The following PTPN12 variants were observed in gnomAD, a reference collection of about 807,000 sequenced individuals.
The protein encoded by PTPN12 is tyrosine-protein phosphatase non-receptor type 12.
PTPN12 carries 29 observed loss-of-function variants against 97.6 expected under a neutral mutation model. The observed-to-expected ratio is 0.30, with a 90% CI of 0.22 to 0.41. The LOEUF (loss-of-function observed/expected upper bound fraction) is 0.41. Ranked by LOEUF, PTPN12 falls within the 10% of genes least tolerant of loss-of-function variation. The pLI is 1.00. For missense variants in PTPN12, 819 were observed against 926.0 expected, an observed-to-expected ratio of 0.88 and a Z score of 1.50; for synonymous variants, 327 against 300.4, an observed-to-expected ratio of 1.09 and a Z score of -0.91.
intron 16 of PTPN12, 91 bp downstream of exon 16, chr7:77,637,139 G>A: frequency 9.8e-7 from 1 of 1,021,242 alleles, no homozygotes. Context: ...ATGCTATATA[G>A]TTATTTCTGT....
intron 1 of PTPN12, among the ~76,000 whole-genome samples, chr7:77,558,084 G>A (rs556844188): frequency 5.9e-5 from 9 of 151,520 alleles, no homozygotes; most frequent in African/African-American, 1.2e-4. Flanking sequence ...GGTGGTGGGC[G>A]CGTGTAATCC....
intron 1 of PTPN12, among the ~76,000 whole-genome samples, chr7:77,552,984 G>A (rs374125719): frequency 7.2e-5 from 11 of 152,138 alleles, no homozygotes; most frequent in African/African-American, 2.4e-4. Context: ...GGGGAAAAAG[G>A]CCACCCCTTG....
intron 2 of PTPN12, among the ~76,000 whole-genome samples, chr7:77,576,182 C>G (rs567469185): frequency 6.6e-6 from 1 of 152,166 alleles, no homozygotes; most frequent in Admixed American, 6.5e-5. Context: ...AAGATTCATT[C>G]ACGATGTAGC....
chr7:77,581,816 A>T (rs76478242), intron 3 of PTPN12, among the ~76,000 whole-genome samples: 1 of 152,194 alleles, frequency 6.6e-6, no homozygotes, highest in Non-Finnish European at 1.5e-5. Flanking sequence ...AACATCATCA[A>T]TCCCCGTTGT....
At chr7:77,563,436 A>G (rs914986675) in intron 1 of PTPN12, among the ~76,000 whole-genome samples, 4 of 152,206 alleles carry the variant, frequency 2.6e-5, no homozygotes, top group Non-Finnish European at 4.4e-5. Context: ...TATGTTCTAG[A>G]TAAGAGGTGT....
intron 1 of PTPN12, chr7:77,537,985 G>A (rs868174342): frequency 2.3e-5 from 23 of 995,684 alleles, no homozygotes; most frequent in East Asian, 1.9e-4. Context: ...GGCCGGGGGG[G>A]GGGGCTCGCG....
chr7:77,572,813 G>C (rs1019947751), intron 2 of PTPN12, among the ~76,000 whole-genome samples: 2 of 152,018 alleles, frequency 1.3e-5, no homozygotes, highest in Non-Finnish European at 2.9e-5. Context: ...GGCCAGGCGC[G>C]GTGGCTCACG....
intron 12 of PTPN12, among the ~76,000 whole-genome samples, chr7:77,622,632 G>C (rs940993157): frequency 4.0e-5 from 6 of 150,814 alleles, no homozygotes; most frequent in African/African-American, 1.2e-4. Flanking sequence ...TTAGCTGGGC[G>C]TGGTGGTGTG....
At chr7:77,563,879 T>C (rs1360265659) in intron 1 of PTPN12, 5 of 390,036 alleles carry the variant, frequency 1.3e-5, no homozygotes, top group Non-Finnish European at 2.5e-5. Context: ...CCTTTGGTTA[T>C]TTTAGCTGCT....
intron 4 of PTPN12, among the ~76,000 whole-genome samples, chr7:77,584,142 A>G (rs1017412596): frequency 6.6e-6 from 1 of 152,226 alleles, no homozygotes; most frequent in African/African-American, 2.4e-5. Context: ...AAGCAGAGAA[A>G]TTAGAATACT....
At chr7:77,568,093 A>G (rs1327396062) in intron 1 of PTPN12, among the ~76,000 whole-genome samples, 5 of 152,232 alleles carry the variant, frequency 3.3e-5, no homozygotes, top group African/African-American at 9.6e-5. Context: ...GAAAATTGCT[A>G]AGAACACTAT....
In PTPN12 at chr7:77,556,064, T is replaced by C. The variant is rs1020342459; in HGVS notation, c.100-15014T>C. 2.0e-5 allele frequency among the ~76,000 whole-genome samples: 3 copies of C among 151,998 alleles called. No individual in the cohort carries two copies. In the East Asian group the frequency reaches 5.8e-4, roughly 29 times the overall value. ...TAATCATAGGGTGTTTGTTTGTTTGTTTGTTTGTTTGTGTGAAACAGGGTT... is the reference window on the plus strand; with the variant it reads ...TAATCATAGGGTGTTTGTTTGTTTGCTTGTTTGTTTGTGTGAAACAGGGTT... On this transcript the variant is annotated intron_variant, in intron 1 of 17. Transcript: ENST00000248594.
intron 1 of PTPN12, among the ~76,000 whole-genome samples, chr7:77,569,095 C>T (rs1280668841): frequency 6.6e-6 from 1 of 152,172 alleles, no homozygotes; most frequent in Non-Finnish European, 1.5e-5. Flanking sequence ...TATGAAAAGA[C>T]ATAATAGTAA....
intron 6 of PTPN12, among the ~76,000 whole-genome samples, chr7:77,595,038 T>C (rs1787981076): frequency 6.6e-6 from 1 of 152,074 alleles, no homozygotes; most frequent in Non-Finnish European, 1.5e-5. Flanking sequence ...TCTCTATAAA[T>C]GGTTCACAAA....
At chr7:77,573,943 T>G (rs1436423472) in intron 2 of PTPN12, among the ~76,000 whole-genome samples, 1 of 152,190 alleles carries the variant, frequency 6.6e-6, no homozygotes, top group African/African-American at 2.4e-5. Context: ...GTATTGTTAG[T>G]AGAGACGTGG....
At position 77,540,243 on chromosome 7, in the gene PTPN12, C is replaced by CTTTT. The variant is rs1400336120; in HGVS notation, c.99+2605_99+2608dup. On this transcript the variant is annotated intron_variant, in intron 1 of 17. Coordinates refer to ENST00000248594, the MANE Select transcript of PTPN12 (RefSeq NM_002835.4). ...CATTTCTTTCTTTCTTTCTTTCTTT[C>CTTTT]TTTTTTTTTTGAGATGTAACACCTC... is the stretch of plus-strand genomic sequence containing the variant. Among the ~76,000 whole-genome samples, 710 of 140,450 alleles carry CTTTT rather than the reference C, an allele frequency of 5.1e-3. 8 individuals carry two copies. Among genetic ancestry groups the CTTTT allele is most frequent in the African/African-American group, 0.018 (650 of 36,820 alleles). The allele number at this position is 140,450 out of a possible 152,430, so 92.1% of individuals were successfully genotyped here.
chr7:77,585,567 T>A lies in PTPN12; in HGVS notation c.406T>A (p.Phe136Ile). 6.2e-7 allele frequency: 1 copy of A among 1,606,512 alleles called. No individual in the cohort carries two copies. The highest frequency in any genetic ancestry group is 8.5e-7 in the Non-Finnish European group (1 of 1,173,448). Residue 136 changes from phenylalanine to isoleucine, a missense_variant, in exon 5 of 18, where the codon TTT (phenylalanine) becomes ATT (isoleucine). Phe to Ile is a conservative substitution (Grantham distance 21). Coordinates refer to ENST00000248594, the MANE Select transcript of PTPN12 (RefSeq NM_002835.4). The stretch of plus-strand genomic sequence containing the variant: ...GATCATTGTAATGGCCTGCCGAGAA[T>A]TTGAGATGGGAAGGGTATGTATAAT... ...VVIIVMACRE[F>I]EMGRKKCERY... is the part of the protein sequence containing the mutation.
intron 11 of PTPN12, 23 bp downstream of exon 11, chr7:77,611,069 T>C (rs1261071921): frequency 7.1e-6 from 11 of 1,553,554 alleles, no homozygotes; most frequent in Non-Finnish European, 9.7e-6. Flanking sequence ...GGTCTATTAA[T>C]TTTAGGAAAC....
intron 16 of PTPN12, among the ~76,000 whole-genome samples, chr7:77,638,391 C>T (rs1333796319): frequency 6.6e-6 from 1 of 152,084 alleles, no homozygotes; most frequent in Non-Finnish European, 1.5e-5. Flanking sequence ...AACGAGAATC[C>T]TCACATTGCA....
Sources: gnomAD v4.1 joint callset for allele counts (sites outside exome capture counted in the v4.1 genomes callset) on GRCh38, gnomAD v4.1.1 for gene constraint, MANE v1.5 for transcripts, NCBI Gene and HGNC (gene_info 2026-07-23, HGNC 2026-07-21) for gene names.